The following MARCHF4 variants were observed in gnomAD, a reference collection of about 807,000 sequenced individuals.
MARCHF4 encodes the protein membrane associated ring-CH-type finger 4.
MARCHF4 carries 14 observed loss-of-function variants against 43.9 expected under a neutral mutation model. That is an observed-to-expected ratio of 0.32 (90% CI 0.21 to 0.50). The LOEUF (loss-of-function observed/expected upper bound fraction) is 0.50, where lower values mean the gene tolerates loss of function less well. MARCHF4 is among the 20% of genes least tolerant of loss of function. The pLI is 0.98. For synonymous variants in MARCHF4, 226 were observed against 213.3 expected (o/e 1.06, Z -0.52); for missense variants, 468 against 536.7 (o/e 0.87, Z 1.27).
At chr2:216,358,905 A>G (rs967400155) in intron 1 of MARCHF4, among the ~76,000 whole-genome samples, 2 of 152,194 alleles carry the variant, frequency 1.3e-5, no homozygotes, top group African/African-American at 4.8e-5. Flanking sequence ...AGAGCTGTGT[A>G]CCATCTGTTG....
chr2:216,296,663 A>G (rs1405667606), intron 1 of MARCHF4, among the ~76,000 whole-genome samples: 2 of 152,240 alleles, frequency 1.3e-5, no homozygotes, highest in African/African-American at 4.8e-5. Flanking sequence ...AAAGAAAAAG[A>G]AACCTCTGCC....
intron 1 of MARCHF4, among the ~76,000 whole-genome samples, chr2:216,310,287 G>T (rs906874434): frequency 6.6e-6 from 1 of 151,798 alleles, no homozygotes; most frequent in Non-Finnish European, 1.5e-5. Context: ...TTTGAGGTAG[G>T]GTCTCACTCT....
chr2:216,327,726 G>A (rs1692017812), intron 1 of MARCHF4, among the ~76,000 whole-genome samples: 1 of 152,120 alleles, frequency 6.6e-6, no homozygotes, highest in Admixed American at 6.5e-5. Flanking sequence ...GAGTAAACCT[G>A]GCCACATAAA....
intron 1 of MARCHF4, among the ~76,000 whole-genome samples, chr2:216,348,279 C>T (rs983147581): frequency 5.3e-5 from 8 of 152,062 alleles, no homozygotes. Context: ...TCAGGTGATC[C>T]ACCCTTTGAT....
chr2:216,296,955 G>A (rs556663203), intron 1 of MARCHF4, among the ~76,000 whole-genome samples: 8 of 152,150 alleles, frequency 5.3e-5, no homozygotes, highest in African/African-American at 9.7e-5. Flanking sequence ...ATGCCTCGTC[G>A]TTCTCACCAG....
chr2:216,332,549 G>A (rs1297627108), intron 1 of MARCHF4, among the ~76,000 whole-genome samples: 3 of 151,760 alleles, frequency 2.0e-5, no homozygotes, highest in Admixed American at 6.6e-5. Flanking sequence ...TATTATCAGT[G>A]CAAACAGAAA....
chr2:216,335,851 T>C (rs1342367364), intron 1 of MARCHF4, among the ~76,000 whole-genome samples: 3 of 152,000 alleles, frequency 2.0e-5, no homozygotes. Context: ...GTGGATCACT[T>C]GAGGTCAGGA....
At chr2:216,339,532 C>G (rs1036418579) in intron 1 of MARCHF4, among the ~76,000 whole-genome samples, 1 of 152,216 alleles carries the variant, frequency 6.6e-6, no homozygotes. Context: ...TCATTCTTTC[C>G]TCTCCTCTAC....
At chr2:216,335,834 G>A (rs897585542) in intron 1 of MARCHF4, among the ~76,000 whole-genome samples, 4 of 152,066 alleles carry the variant, frequency 2.6e-5, no homozygotes, top group African/African-American at 9.7e-5. Flanking sequence ...TTGGGAAGCC[G>A]AGGCAGGTGG....
intron 1 of MARCHF4, among the ~76,000 whole-genome samples, chr2:216,311,284 G>A (rs1263674916): frequency 6.6e-6 from 1 of 151,984 alleles, no homozygotes; most frequent in Non-Finnish European, 1.5e-5. Flanking sequence ...CTTTGTCAGA[G>A]TCTCACTCTG....
At chr2:216,353,406 GA>G (rs1327178715) in intron 1 of MARCHF4, among the ~76,000 whole-genome samples, 1 of 152,012 alleles carries the variant, frequency 6.6e-6, no homozygotes, top group East Asian at 1.9e-4. Flanking sequence ...GAAAGGGGGT[GA>G]AAAAAGGAAG....
chr2:216,324,845 C>T (rs1386060461), intron 1 of MARCHF4, among the ~76,000 whole-genome samples: 1 of 137,748 alleles, frequency 7.3e-6, no homozygotes, highest in Non-Finnish European at 1.5e-5. Flanking sequence ...ATGACAAACC[C>T]ACAGCCAATA....
intron 3 of MARCHF4, among the ~76,000 whole-genome samples, chr2:216,272,562 T>C (rs555899395): frequency 1.3e-3 from 201 of 152,358 alleles, no homozygotes; most frequent in Non-Finnish European, 2.6e-3. Flanking sequence ...CAGAAGTTCT[T>C]GGTCCAATCC....
At chr2:216,270,659 C>T (rs576824730) in intron 3 of MARCHF4, among the ~76,000 whole-genome samples, 57 of 152,260 alleles carry the variant, frequency 3.7e-4, no homozygotes. Context: ...GGATTTTAGG[C>T]TTAAGGTTAG....
At chr2:216,360,682 A>G (rs781352444) in intron 1 of MARCHF4, among the ~76,000 whole-genome samples, 5 of 152,210 alleles carry the variant, frequency 3.3e-5, no homozygotes, top group Non-Finnish European at 7.3e-5. Flanking sequence ...AATGGTAGAT[A>G]CATGTCACTA....
At chr2:216,320,085 A>G (rs949234981) in intron 1 of MARCHF4, among the ~76,000 whole-genome samples, 1 of 152,204 alleles carries the variant, frequency 6.6e-6, no homozygotes, top group Non-Finnish European at 1.5e-5. Flanking sequence ...AAGGGAAAGT[A>G]AAAAATCTGC....
rs138987289 is a variant in MARCHF4 at position 216,262,182 on chromosome 2, G to A, written c.866-2503C>T. On this transcript the variant is annotated intron_variant, in intron 3 of 3. Coordinates refer to ENST00000273067, the MANE Select transcript of MARCHF4 (RefSeq NM_020814.3). ...GGAGAAGGTGGGAAATAATTATCTC[G>A]GAAAGTAGGAGTGTGAATTTACAAG... is the stretch of plus-strand genomic sequence containing the variant. 5.9e-5 allele frequency among the ~76,000 whole-genome samples: 9 copies of A among 152,260 alleles called. No homozygotes were observed. In the East Asian group the frequency reaches 1.5e-3, roughly 26 times the overall value.
At chr2:216,351,927 C>T (rs540841330) in intron 1 of MARCHF4, among the ~76,000 whole-genome samples, 4 of 152,266 alleles carry the variant, frequency 2.6e-5, no homozygotes, top group East Asian at 3.9e-4. Context: ...CTTGGTTGTG[C>T]GTCTACCAGA....
rs1233064061 is a variant in MARCHF4, at chr2:216,300,187, A to AT, written c.517-16459dup. 3.9e-5 allele frequency among the ~76,000 whole-genome samples: 6 copies of AT among 152,078 alleles called. No homozygotes were observed. The East Asian group carries it at 1.2e-3, about 29-fold the overall frequency. On this transcript the variant is annotated intron_variant, in intron 1 of 3. Coordinates refer to ENST00000273067, the MANE Select transcript of MARCHF4 (RefSeq NM_020814.3). Reference sequence around the variant, plus strand: ...ACTCTATAATCTATAAAAGTGCAGAATTTTTTTGGGATTCTTTGCTATAAT... The same window carrying AT: ...ACTCTATAATCTATAAAAGTGCAGAATTTTTTTTGGGATTCTTTGCTATAAT...
Sources: gnomAD v4.1 joint callset for allele counts (sites outside exome capture counted in the v4.1 genomes callset) on GRCh38, gnomAD v4.1.1 for gene constraint, MANE v1.5 for transcripts, NCBI Gene and HGNC (gene_info 2026-07-23, HGNC 2026-07-21) for gene names.